Variants in CEP126 observed in about 807,000 individuals in gnomAD.
The protein encoded by CEP126 is centrosomal protein 126.
In CEP126, 74 loss-of-function variants were observed where a neutral mutation model predicts 107.8. The ratio of observed to expected loss-of-function variants is 0.69; its 90% CI spans 0.57 to 0.83. CEP126 has a LOEUF of 0.83. CEP126 is among the 40% of genes least tolerant of loss of function. The pLI is 0.00. For missense variants in CEP126, 1,237 were observed against 1,281.9 expected (o/e 0.96, Z 0.53); for synonymous variants, 449 against 446.0 (o/e 1.01, Z -0.08).
intron 6 of CEP126, among the ~76,000 whole-genome samples, chr11:101,968,132 A>G (rs1273296873): frequency 6.6e-6 from 1 of 152,200 alleles, no homozygotes; most frequent in Non-Finnish European, 1.5e-5. Flanking sequence ...TATGACATTA[A>G]CTTGAATAGA....
intron 4 of CEP126, chr11:101,956,686 A>G (rs1940900933): frequency 4.4e-6 from 2 of 454,778 alleles, no homozygotes; most frequent in East Asian, 7.0e-5. Flanking sequence ...CTTTGCATTC[A>G]TCTTCCTCTC....
intron 2 of CEP126, among the ~76,000 whole-genome samples, chr11:101,937,845 GTTTCT>G (rs1457492752): frequency 2.0e-5 from 3 of 152,042 alleles, no homozygotes; most frequent in Admixed American, 1.3e-4. Context: ...TTGGAAAGTA[GTTTCT>G]TTTAAGAAAT....
chr11:101,999,762 T>C lies in CEP126; in HGVS notation c.*2119T>C, dbSNP rs1450595271. 6.6e-6 allele frequency: 1 copy of C among 152,230 alleles called. No individual in the cohort carries two copies. Among genetic ancestry groups the C allele is most frequent in the Non-Finnish European group, 1.5e-5 (1 of 68,054 alleles). 9.4% of individuals were successfully genotyped at this position (152,230 alleles called of 1,614,324 possible). ...TGCTATAAACGTGAAAACTAACATTTTTGGCCAGACACAGTGGCTCATGCA... is the reference window on the plus strand; with the variant it reads ...TGCTATAAACGTGAAAACTAACATTCTTGGCCAGACACAGTGGCTCATGCA... On this transcript the variant is annotated 3_prime_UTR_variant, in exon 11 of 11. Transcript: ENST00000263468.
chr11:101,958,432 G>A, intron 5 of CEP126, 66 bp downstream of exon 5: 2 of 1,348,448 alleles, frequency 1.5e-6, no homozygotes, highest in South Asian at 1.2e-5. Flanking sequence ...CACTTTTGCA[G>A]TGTTCTCCAC....
intron 5 of CEP126, among the ~76,000 whole-genome samples, chr11:101,960,796 G>A (rs1481148657): frequency 6.6e-6 from 1 of 151,840 alleles, no homozygotes; most frequent in East Asian, 1.9e-4. Context: ...AATCTAAAAT[G>A]TATGATAAAT....
At position 101,915,318 on chromosome 11, in the gene CEP126, G is replaced by T. The variant is rs150590684; in HGVS notation, c.34G>T (p.Val12Phe). 6.2e-7 allele frequency: 1 copy of T among 1,613,892 alleles called. No homozygotes were observed. Residue 12 changes from valine to phenylalanine, a missense_variant, in exon 1 of 11, where the codon GTC (valine) becomes TTC (phenylalanine). Around this residue, in one of 3 missense-constraint regions of CEP126, gnomAD observed 1,134 missense variants for 1,150.5 expected, o/e 0.99. Coordinates refer to ENST00000263468, the MANE Select transcript of CEP126 (RefSeq NM_020802.4). ...GGGGAGGCCCGGAACCCGGAGCGCG[G>T]TCGGGGAACTGGGCACTGAATCATC... ...LAGRPGTRSA[V>F]GELGTESSDN...
intron 4 of CEP126, among the ~76,000 whole-genome samples, chr11:101,949,023 G>T (rs1339454004): frequency 1.3e-5 from 2 of 152,190 alleles, no homozygotes; most frequent in African/African-American, 4.8e-5. Flanking sequence ...GTTCAGGAAA[G>T]ACCTCATGGG....
intron 4 of CEP126, chr11:101,956,722 T>G: frequency 2.2e-6 from 1 of 456,046 alleles, no homozygotes; most frequent in Non-Finnish European, 4.4e-6. Flanking sequence ...CTTATTTAGC[T>G]TTTCCCTCTC....
chr11:101,960,756 T>C (rs911261129), intron 5 of CEP126, among the ~76,000 whole-genome samples: 4 of 152,082 alleles, frequency 2.6e-5, no homozygotes, highest in African/African-American at 9.6e-5. Flanking sequence ...CCATAGTATG[T>C]AAATTTTTAA....
At chr11:101,960,794 A>G (rs1157523788) in intron 5 of CEP126, among the ~76,000 whole-genome samples, 1 of 152,078 alleles carries the variant, frequency 6.6e-6, no homozygotes, top group Admixed American at 6.5e-5. Context: ...TAAATCTAAA[A>G]TGTATGATAA....
chr11:101,944,728 A>T (rs1940712844), intron 3 of CEP126, among the ~76,000 whole-genome samples: 1 of 152,168 alleles, frequency 6.6e-6, no homozygotes, highest in Non-Finnish European at 1.5e-5. Context: ...GGTTCAGAAA[A>T]TTAGTGTCAC....
At chr11:101,965,129 C>T (rs1489251760) in intron 6 of CEP126, among the ~76,000 whole-genome samples, 6 of 151,992 alleles carry the variant, frequency 3.9e-5, no homozygotes, top group Admixed American at 6.6e-5. Flanking sequence ...ACTAGCTGGT[C>T]GACTCTCATA....
chr11:101,974,443 T>C (rs1160653559), intron 6 of CEP126, among the ~76,000 whole-genome samples: 1 of 152,034 alleles, frequency 6.6e-6, no homozygotes, highest in Non-Finnish European at 1.5e-5. Context: ...AATGAAAGGG[T>C]AAAAATTGCA....
intron 6 of CEP126, among the ~76,000 whole-genome samples, chr11:101,964,593 T>C (rs1001167845): frequency 5.3e-5 from 8 of 150,930 alleles, no homozygotes; most frequent in Admixed American, 2.0e-4. Context: ...GCCAAGGTGG[T>C]GCACCACTGC....
At chr11:101,966,280 A>G (rs1359040107) in intron 6 of CEP126, among the ~76,000 whole-genome samples, 2 of 152,154 alleles carry the variant, frequency 1.3e-5, no homozygotes, top group African/African-American at 2.4e-5. Context: ...TTTTTTTCCA[A>G]AACTGTTTAA....
intron 2 of CEP126, among the ~76,000 whole-genome samples, chr11:101,931,343 A>G (rs751766126): frequency 2.4e-4 from 36 of 152,292 alleles, no homozygotes; most frequent in Non-Finnish European, 4.7e-4. Flanking sequence ...GTGAAAGACA[A>G]TCTGTTGGAA....
rs765313268 is a variant in CEP126, at chr11:101,915,237, A to C, written c.-48A>C. The C allele has an allele frequency of 4.4e-6, 7 of 1,608,378 alleles. No individual in the cohort carries two copies. Among genetic ancestry groups the C allele is most frequent in the Non-Finnish European group, 5.9e-6 (7 of 1,177,272 alleles). On this transcript the variant is annotated 5_prime_UTR_variant, in exon 1 of 11. It removes an upstream start codon present in the reference 5' UTR. Transcript: ENST00000263468. ...GGAGGAGGAGGAAGCCGGAGCTGCC[A>C]TGAGGGAGGTTCTGGGGGCGAGCAG...
intron 2 of CEP126, among the ~76,000 whole-genome samples, chr11:101,941,100 T>G (rs1385224833): frequency 6.6e-6 from 1 of 152,212 alleles, no homozygotes; most frequent in Non-Finnish European, 1.5e-5. Flanking sequence ...CAGCTTCTGC[T>G]AAGCAAGCTG....
rs993280164 is a variant in CEP126 at position 101,997,604 on chromosome 11, G to A, written c.3315G>A (p.Lys1105=). ...TTCTTCTTTCTGATTTCCAGGAGAA[G>A]AGAGAAGATAGAACCAGCAGCTGCA... ...NTLQIIPLLE[K]REDRTSSCRD... The change falls in exon 11 of 11, where the codon AAG becomes AAA. Residue 1105 remains lysine, a synonymous_variant. Coordinates refer to ENST00000263468, the MANE Select transcript of CEP126 (RefSeq NM_020802.4). 6.2e-7 allele frequency: 1 copy of A among 1,613,910 alleles called. No individual in the cohort carries two copies. Among genetic ancestry groups the A allele is most frequent in the African/African-American group, 1.3e-5 (1 of 74,924 alleles).
Sources: gnomAD v4.1 joint callset for allele counts (sites outside exome capture counted in the v4.1 genomes callset) on GRCh38, gnomAD v4.1.1 for gene constraint, gnomAD v4.1.1 regional missense constraint, MANE v1.5 for transcripts, NCBI Gene and HGNC (gene_info 2026-07-23, HGNC 2026-07-21) for gene names.